The following PLS1 variants were observed in gnomAD, a reference collection of about 807,000 sequenced individuals.
PLS1 encodes plastin 1, also known as plastin-1.
Under a neutral mutation model 73.7 loss-of-function variants are expected in PLS1, and 32 were observed. The ratio of observed to expected loss-of-function variants is 0.43; its 90% CI spans 0.33 to 0.58. The LOEUF is 0.58. PLS1 is among the 20% of genes least tolerant of loss of function. The probability of loss-of-function intolerance (pLI) is 0.04; values close to 1 mark genes in which losing one functional copy is unlikely to be tolerated. For missense variants in PLS1, 633 were observed against 740.5 expected (o/e 0.85, Z 1.68); for synonymous variants, 217 against 261.3 (o/e 0.83, Z 1.63).
At chr3:142,653,392 G>C (rs1335866858) in intron 1 of PLS1, among the ~76,000 whole-genome samples, 1 of 149,238 alleles carries the variant, frequency 6.7e-6, no homozygotes, top group African/African-American at 2.5e-5. Context: ...AGATGGTCTG[G>C]CTCTGTTGCC....
chr3:142,663,930 A>G (rs999366538), intron 1 of PLS1, among the ~76,000 whole-genome samples: 2 of 152,254 alleles, frequency 1.3e-5, no homozygotes, highest in Non-Finnish European at 2.9e-5. Flanking sequence ...AAATGCAAAT[A>G]GAAATTATTA....
intron 11 of PLS1, among the ~76,000 whole-genome samples, chr3:142,696,725 A>ATAG (rs2038215292): frequency 8.5e-5 from 9 of 106,258 alleles, no homozygotes. Flanking sequence ...TTGCAAAATA[A>ATAG]TAATAATAAT....
At chr3:142,615,094 G>A (rs138033239) in intron 1 of PLS1, among the ~76,000 whole-genome samples, 3 of 152,288 alleles carry the variant, frequency 2.0e-5, no homozygotes, top group African/African-American at 7.2e-5. Flanking sequence ...GGGTAGAGTG[G>A]GGGTAGTTAA....
intron 1 of PLS1, among the ~76,000 whole-genome samples, chr3:142,641,139 TG>T (rs1183959946): frequency 5.4e-5 from 8 of 146,804 alleles, no homozygotes; most frequent in Non-Finnish European, 7.4e-5. Flanking sequence ...CCAGCCTGGG[TG>T]ACAGAGACCC....
chr3:142,704,612 T>A (rs2038413340), intron 14 of PLS1, 26 bp downstream of exon 14: 1 of 1,476,276 alleles, frequency 6.8e-7, no homozygotes. Flanking sequence ...AAAAAAAATT[T>A]TTTTTTGTAG....
At chr3:142,616,820 T>C (rs2036224387) in intron 1 of PLS1, among the ~76,000 whole-genome samples, 1 of 152,188 alleles carries the variant, frequency 6.6e-6, no homozygotes. Context: ...CAGGCTGTTC[T>C]TGAACTCCTG....
At chr3:142,649,089 A>G (rs1671764857) in intron 1 of PLS1, among the ~76,000 whole-genome samples, 1 of 152,136 alleles carries the variant, frequency 6.6e-6, no homozygotes. Flanking sequence ...TTGCAGCTAG[A>G]TTGCCCTGCC....
intron 14 of PLS1, among the ~76,000 whole-genome samples, chr3:142,709,763 G>A (rs1933028303): frequency 6.6e-6 from 1 of 150,834 alleles, no homozygotes; most frequent in East Asian, 1.9e-4. Flanking sequence ...CTTGCAGTGA[G>A]CCAAGATGGC....
chr3:142,627,253 T>TA (rs1218443570), intron 1 of PLS1, among the ~76,000 whole-genome samples: 2 of 152,154 alleles, frequency 1.3e-5, no homozygotes, highest in Non-Finnish European at 2.9e-5. Context: ...ATTTTTTTTT[T>TA]AACCACATTT....
chr3:142,683,710 A>T (rs1000859367), intron 6 of PLS1, among the ~76,000 whole-genome samples: 2 of 152,150 alleles, frequency 1.3e-5, no homozygotes, highest in African/African-American at 4.8e-5. Context: ...TATCATGTTG[A>T]GTTTGAGGTA....
Position 142,684,292 on chromosome 3 carries a change from A to G in PLS1, c.785A>G (p.Glu262Gly), listed in dbSNP as rs2037917895. 1 of 1,614,100 alleles carries G rather than the reference A, an allele frequency of 6.2e-7. No individual in the cohort carries two copies. The highest frequency in any genetic ancestry group is 1.3e-5 in the African/African-American group (1 of 75,048). The part of the protein sequence containing the change: ...ALLNEGEELE[E>G]LMKLSPEELL... ...TTAAATGAAGGTGAGGAACTAGAGG[A>G]GCTGATGAAGCTTTCTCCCGAGGAA... The change falls in exon 8 of 16, where the codon GAG (glutamate) becomes GGG (glycine). Residue 262 changes from glutamate (E) to glycine (G), a missense_variant. Physicochemically the swap from Glu to Gly is moderately conservative, Grantham distance 98. Coordinates refer to ENST00000457734, the MANE Select transcript of PLS1 (RefSeq NM_001145319.2).
intron 1 of PLS1, among the ~76,000 whole-genome samples, chr3:142,636,649 C>G (rs1577813428): frequency 6.6e-6 from 1 of 152,286 alleles, no homozygotes; most frequent in South Asian, 2.1e-4. Flanking sequence ...AATTCTCAGA[C>G]TGGGAGAAAA....
intron 1 of PLS1, among the ~76,000 whole-genome samples, chr3:142,613,723 C>T (rs2036163881): frequency 6.6e-6 from 1 of 152,146 alleles, no homozygotes; most frequent in Non-Finnish European, 1.5e-5. Flanking sequence ...GTAGTATCTT[C>T]AACCAGCTCA....
At chr3:142,645,348 C>T (rs2036932430) in intron 1 of PLS1, 1 of 152,166 alleles carries the variant, frequency 6.6e-6, no homozygotes, top group Non-Finnish European at 1.5e-5. Context: ...CTCAGACTTG[C>T]AACTCTGAAA....
intron 1 of PLS1, among the ~76,000 whole-genome samples, chr3:142,600,896 ATATATATATATATATATATATTTTTT>A (rs1162798192): frequency 7.4e-5 from 2 of 26,904 alleles, no homozygotes; most frequent in African/African-American, 4.4e-4. Flanking sequence ...ATATATATAT[ATATATATATATATATATATATTTTTT>A]TTTTTTTTTT....
intron 1 of PLS1, among the ~76,000 whole-genome samples, chr3:142,623,789 T>G (rs750349572): frequency 7.2e-5 from 11 of 152,348 alleles, no homozygotes; most frequent in South Asian, 4.1e-4. Flanking sequence ...TTGAAAACTT[T>G]CTTCTGTAAG....
intron 1 of PLS1, among the ~76,000 whole-genome samples, chr3:142,604,759 C>G (rs2035988947): frequency 1.3e-5 from 2 of 151,924 alleles, no homozygotes; most frequent in African/African-American, 4.8e-5. Context: ...ATGGTGAAAC[C>G]CCGTCTCTAC....
chr3:142,630,972 C>CACACACACACACACACACACAT (rs1165182238), intron 1 of PLS1, among the ~76,000 whole-genome samples: 1 of 151,442 alleles, frequency 6.6e-6, no homozygotes, highest in African/African-American at 2.4e-5. Context: ...CACACACACA[C>CACACACACACACACACACACAT]ATAGAGGGAG....
chr3:142,676,312 G>C, intron 5 of PLS1, 23 bp downstream of exon 5: 1 of 1,608,274 alleles, frequency 6.2e-7, no homozygotes, highest in Non-Finnish European at 8.5e-7. Flanking sequence ...TCTGGTTAAG[G>C]AAGCTGCGTT....
Sources: allele counts gnomAD v4.1 joint callset (sites outside exome capture counted in the v4.1 genomes callset), GRCh38; gene constraint gnomAD v4.1.1; transcripts MANE v1.5; gene names NCBI Gene and HGNC (gene_info 2026-07-23, HGNC 2026-07-21).